RUVBL1: variants seen among roughly 807,000 people sequenced by gnomAD.
RUVBL1 encodes the protein RuvB like AAA ATPase 1.
Under a neutral mutation model 52.4 loss-of-function variants are expected in RUVBL1, and 4 were observed. The ratio of observed to expected loss-of-function variants is 0.08; its 90% CI spans 0.04 to 0.17. RUVBL1 has a LOEUF of 0.17. Ranked by LOEUF, RUVBL1 falls within the 10% of genes least tolerant of loss-of-function variation. The pLI is 1.00. For synonymous variants in RUVBL1, 217 were observed against 214.4 expected (o/e 1.01, Z -0.10); for missense variants, 298 against 572.8 (o/e 0.52, Z 4.90).
chr3:128,122,067 T>C (rs1943663253), intron 1 of RUVBL1, among the ~76,000 whole-genome samples: 1 of 146,896 alleles, frequency 6.8e-6, no homozygotes, highest in Non-Finnish European at 1.5e-5. Flanking sequence ...CTCTTAGGCA[T>C]AGAGCATGCA....
chr3:128,149,863 C>A (rs533894083), intron 1 of RUVBL1, among the ~76,000 whole-genome samples: 1 of 152,358 alleles, frequency 6.6e-6, no homozygotes, highest in East Asian at 1.9e-4. Flanking sequence ...GGCCAGCTTT[C>A]CAGAGCTTCT....
chr3:128,105,986 C>G (rs969061673), intron 3 of RUVBL1, among the ~76,000 whole-genome samples: 24 of 151,146 alleles, frequency 1.6e-4, no homozygotes, highest in Non-Finnish European at 3.1e-4. Flanking sequence ...TCTCCTGCCT[C>G]AGCCTCCCAA....
intron 9 of RUVBL1, among the ~76,000 whole-genome samples, chr3:128,068,281 TG>T (rs1443055170): frequency 6.6e-6 from 1 of 152,136 alleles, no homozygotes; most frequent in African/African-American, 2.4e-5. Context: ...AGGGAGCCAC[TG>T]GGTAAGGAGA....
At chr3:128,086,199 G>A (rs1310094137) in intron 9 of RUVBL1, among the ~76,000 whole-genome samples, 1 of 151,922 alleles carries the variant, frequency 6.6e-6, no homozygotes, top group Non-Finnish European at 1.5e-5. Context: ...GTGTCACTAT[G>A]TGGCCCAGGC....
chr3:128,107,274 A>G (rs1222183361), intron 3 of RUVBL1, among the ~76,000 whole-genome samples: 1 of 152,240 alleles, frequency 6.6e-6, no homozygotes, highest in Non-Finnish European at 1.5e-5. Flanking sequence ...TGCCATCACT[A>G]TTAGTTTAAT....
intron 9 of RUVBL1, among the ~76,000 whole-genome samples, chr3:128,068,410 C>T (rs1942049296): frequency 6.6e-6 from 1 of 152,138 alleles, no homozygotes; most frequent in Non-Finnish European, 1.5e-5. Flanking sequence ...GAAGAGAGCG[C>T]CCTGGAGGAG....
chr3:128,123,956 G>T, upstream of RUVBL1: 1 of 1,224,938 alleles, frequency 8.2e-7, no homozygotes, highest in African/African-American at 1.5e-5. Flanking sequence ...CTCCGGGTTG[G>T]CTTCCCCCGT....
chr3:128,123,808 T>G lies in RUVBL1; in HGVS notation c.-84A>C, dbSNP rs369285372. ...CGGCGCCTGAGTTACCATGCGGCCGTTACTAGGGCAATTTGCAAAGGCCCG... is the reference window on the plus strand; with the variant it reads ...CGGCGCCTGAGTTACCATGCGGCCGGTACTAGGGCAATTTGCAAAGGCCCG... On this transcript the variant is annotated 5_prime_UTR_variant, in exon 1 of 11. Coordinates refer to ENST00000322623, the MANE Select transcript of RUVBL1 (RefSeq NM_003707.3). 1.2e-5 allele frequency: 17 copies of G among 1,458,382 alleles called. No homozygotes were observed. Among genetic ancestry groups the G allele is most frequent in the Non-Finnish European group, 1.3e-5 (14 of 1,096,436 alleles). The allele number at this position is 1,458,382 out of a possible 1,614,324, so 90.3% of individuals were successfully genotyped here. A position where few individuals can be genotyped will look rare whatever the true frequency, so the allele number is the denominator to read the frequency against.
rs567738415 is a variant in RUVBL1, at chr3:128,114,195, C to T, written c.229-1175G>A. On this transcript the variant is annotated intron_variant, in intron 2 of 10. Transcript: ENST00000322623. ...TTTTCATCTTTCCTCAACTCTGAAA[C>T]AGGAGCACGAGTAAGGCCAGCTCCC... Among the ~76,000 whole-genome samples the T allele has an allele frequency of 2.6e-5, 4 of 152,258 alleles. No homozygotes were observed. The South Asian group carries it at 8.3e-4, about 32-fold the overall frequency.
At chr3:128,153,881 C>T in exon 1 of RUVBL1, 1 of 1,441,202 alleles carries the variant, frequency 6.9e-7, no homozygotes, top group Non-Finnish European at 9.0e-7. Flanking sequence ...CGACCGGGCC[C>T]CGTGTCCGAA....
chr3:128,095,649 G>A (rs1369759801), intron 8 of RUVBL1, among the ~76,000 whole-genome samples: 1 of 152,230 alleles, frequency 6.6e-6, no homozygotes, highest in East Asian at 1.9e-4. Flanking sequence ...CCGCCTGAGG[G>A]GGAAGGGCTG....
At chr3:128,065,261 G>C (rs941260204) in intron 9 of RUVBL1, 8 of 624,814 alleles carry the variant, frequency 1.3e-5, no homozygotes, top group African/African-American at 1.8e-5. Flanking sequence ...TCTAACGTAA[G>C]TGAAATCATG....
chr3:128,136,156 G>GA (rs1943944415), intron 1 of RUVBL1, among the ~76,000 whole-genome samples: 1 of 145,844 alleles, frequency 6.9e-6, no homozygotes, highest in African/African-American at 2.5e-5. Flanking sequence ...TACCACCAGA[G>GA]AAAATCACCA....
intron 2 of RUVBL1, among the ~76,000 whole-genome samples, chr3:128,114,791 C>G (rs191968949): frequency 1.3e-5 from 2 of 152,188 alleles, no homozygotes; most frequent in East Asian, 1.9e-4. Flanking sequence ...GAGCAGCACT[C>G]TAACAGCAGA....
intron 8 of RUVBL1, among the ~76,000 whole-genome samples, chr3:128,095,520 A>G (rs1469147643): frequency 6.6e-6 from 1 of 152,260 alleles, no homozygotes; most frequent in Non-Finnish European, 1.5e-5. Flanking sequence ...AGACTTAGGA[A>G]GCACTTATGA....
At chr3:128,142,591 A>G (rs1944042192) in intron 1 of RUVBL1, among the ~76,000 whole-genome samples, 1 of 152,190 alleles carries the variant, frequency 6.6e-6, no homozygotes, top group African/African-American at 2.4e-5. Context: ...AATGGGTCTC[A>G]CTGGGCTAAA....
intron 1 of RUVBL1, among the ~76,000 whole-genome samples, chr3:128,133,541 A>G (rs1279038668): frequency 7.7e-6 from 1 of 130,024 alleles, no homozygotes; most frequent in Non-Finnish European, 1.9e-5. Flanking sequence ...ACAGCTTATC[A>G]GAGAGACTCT....
rs35544549 is a variant in RUVBL1 at position 128,074,377 on chromosome 3, CA to C, written c.940-9158del. 5.7e-3 allele frequency among the ~76,000 whole-genome samples: 834 copies of C among 146,178 alleles called. 5 individuals are homozygous for C. Among genetic ancestry groups the C allele is most frequent in the African/African-American group, 0.017 (653 of 39,322 alleles). On this transcript the variant is annotated intron_variant, in intron 9 of 9. Transcript: ENST00000464873. The stretch of plus-strand genomic sequence containing the variant: ...TAGAGCAGGAAAACCTAATCTATTG[CA>C]AAAAAAAAAAAAATTCTAACAGTGG...
chr3:128,120,150 G>A (rs550056159), intron 1 of RUVBL1, among the ~76,000 whole-genome samples: 7 of 152,104 alleles, frequency 4.6e-5, no homozygotes, highest in Non-Finnish European at 1.0e-4. Flanking sequence ...TCTTGAAGTT[G>A]GGAACGAAAC....
Sources: allele counts gnomAD v4.1 joint callset (sites outside exome capture counted in the v4.1 genomes callset), GRCh38; gene constraint gnomAD v4.1.1; transcripts MANE v1.5; gene names NCBI Gene and HGNC (gene_info 2026-07-23, HGNC 2026-07-21).